The following DYNLL1 variants were observed in gnomAD, a reference collection of about 807,000 sequenced individuals.
DYNLL1 encodes dynein light chain LC8-type 1.
DYNLL1 carries 3 observed loss-of-function variants against 10.1 expected under a neutral mutation model. The ratio of observed to expected loss-of-function variants is 0.30; its 90% confidence interval spans 0.14 to 0.77. The LOEUF (loss-of-function observed/expected upper bound fraction) is 0.77. Ranked by LOEUF, DYNLL1 falls within the 30% of genes least tolerant of loss-of-function variation. DYNLL1 has a pLI of 0.66. For missense variants in DYNLL1, 47 were observed against 111.7 expected (o/e 0.42, Z 2.61); for synonymous variants, 46 against 41.2 (o/e 1.12, Z -0.45).
At chr12:120,495,893 C>G (rs1868368410), upstream of DYNLL1, 1 of 167,170 alleles carries the variant, frequency 6.0e-6, no homozygotes. Flanking sequence ...GGCCTCGTAG[C>G]GTGCGGCCCA....
intron 1 of DYNLL1, among the ~76,000 whole-genome samples, chr12:120,479,603 G>A (rs1376139207): frequency 6.6e-6 from 1 of 152,126 alleles, no homozygotes; most frequent in Non-Finnish European, 1.5e-5. Context: ...AAGACTTCCT[G>A]GAGGGAGTGG....
At chr12:120,490,217 A>G (rs535419236) in intron 1 of DYNLL1, 2 of 152,342 alleles carry the variant, frequency 1.3e-5, no homozygotes, top group East Asian at 3.9e-4. Flanking sequence ...TCGCTCAGAA[A>G]TCTCCCCAGA....
chr12:120,479,595 G>A (rs987283418), intron 1 of DYNLL1, among the ~76,000 whole-genome samples: 4 of 152,050 alleles, frequency 2.6e-5, no homozygotes, highest in Non-Finnish European at 5.9e-5. Flanking sequence ...GTTCAGGGAA[G>A]ACTTCCTGGA....
At chr12:120,494,316 G>C (rs1272015907), upstream of DYNLL1, among the ~76,000 whole-genome samples, 2 of 146,320 alleles carry the variant, frequency 1.4e-5, no homozygotes, top group African/African-American at 5.1e-5. Context: ...AGACGGAGTT[G>C]CCCAGGCTGG....
At chr12:120,488,488 G>A (rs969997227) in intron 1 of DYNLL1, 3 of 152,150 alleles carry the variant, frequency 2.0e-5, no homozygotes, top group African/African-American at 7.2e-5. Context: ...TGTGCATCCT[G>A]TTCAATGTCT....
upstream of DYNLL1, among the ~76,000 whole-genome samples, chr12:120,494,372 G>C (rs1165680448): frequency 6.6e-6 from 1 of 151,698 alleles, no homozygotes; most frequent in Non-Finnish European, 1.5e-5. Flanking sequence ...TGTGTCCCGG[G>C]TTCAAGTGAT....
At chr12:120,496,646 G>T (rs1429477827) in intron 2 of DYNLL1, 93 bp downstream of exon 2, 1 of 1,607,558 alleles carries the variant, frequency 6.2e-7, no homozygotes, top group Non-Finnish European at 8.5e-7. Flanking sequence ...CAGGTCCCGG[G>T]AATACTGCTG....
rs1243991995 is a variant in DYNLL1, at chr12:120,496,785, A to G, written c.132+232A>G. ...TAATTACCCAGCTCCGCGGGGGGAA[A>G]GCGCCACCTAGCAACGGTATCTAAG... On this transcript the variant is annotated intron_variant, in intron 2 of 2. Transcript: ENST00000242577. 6.4e-6 allele frequency: 4 copies of G among 624,158 alleles called. No homozygotes were observed. The East Asian group carries it at 8.3e-5, about 13-fold the overall frequency. 38.7% of individuals were successfully genotyped at this position (624,158 alleles called of 1,614,324 possible). A position where few individuals can be genotyped will look rare whatever the true frequency, so the allele number is the denominator to read the frequency against.
At chr12:120,479,466 AAAAAT>A (rs1878835083) in intron 1 of DYNLL1, among the ~76,000 whole-genome samples, 1 of 125,026 alleles carries the variant, frequency 8.0e-6, no homozygotes, top group African/African-American at 2.8e-5. Context: ...AAAAAAAAAA[AAAAAT>A]AATAATAATA....
chr12:120,496,292 C>T, intron 1 of DYNLL1, 76 bp downstream of exon 1: 1 of 1,409,430 alleles, frequency 7.1e-7, no homozygotes, highest in Non-Finnish European at 9.6e-7. Context: ...CTCCGCGTAG[C>T]CCGCGCTTCC....
chr12:120,489,809 G>A (rs796199765), intron 1 of DYNLL1, among the ~76,000 whole-genome samples: 6 of 152,128 alleles, frequency 3.9e-5, no homozygotes, highest in Admixed American at 2.6e-4. Context: ...GTGCAGTGGC[G>A]CGATCTCAGC....
chr12:120,470,090 C>T, exon 1 of DYNLL1: 1 of 153,110 alleles, frequency 6.5e-6, no homozygotes, highest in Non-Finnish European at 1.5e-5. Flanking sequence ...CGGGCTGTCG[C>T]GGCCCCCACC....
At chr12:120,474,939 T>C (rs1009769145) in intron 1 of DYNLL1, among the ~76,000 whole-genome samples, 1 of 152,026 alleles carries the variant, frequency 6.6e-6, no homozygotes, top group African/African-American at 2.4e-5. Flanking sequence ...AAACATATTC[T>C]GGAAAGCTAC....
Position 120,498,284 on chromosome 12 carries a change from G to A in DYNLL1, c.*74G>A. The A allele has an allele frequency of 1.3e-6, 2 of 1,536,936 alleles. No individual in the cohort carries two copies. The highest frequency in any genetic ancestry group is 1.7e-6 in the Non-Finnish European group (2 of 1,149,148). ...TGCAGCCTAAATTCCAAATACCAGA[G>A]ACTGAAATTTTCAGCCTTGCTAAGG... is the stretch of plus-strand genomic sequence containing the variant. On this transcript the variant is annotated 3_prime_UTR_variant, in exon 3 of 3. Transcript: ENST00000242577.
chr12:120,483,881 AGT>A lies in DYNLL1; in HGVS notation c.-6-12529_-6-12528del, dbSNP rs534416817. Among the ~76,000 whole-genome samples, 23 of 152,050 alleles carry A rather than the reference AGT, an allele frequency of 1.5e-4. 1 individual carries two copies. In the East Asian group the frequency reaches 2.9e-3, roughly 19 times the overall value. On this transcript the variant is annotated intron_variant, in intron 1 of 2. Transcript: ENST00000392509. ...AGTGAGATGGGAGGACAGCTAAGAG[AGT>A]GTGTGGTCCTGGAAGCCAAGGGAGG...
At chr12:120,486,165 T>C (rs1878989994) in intron 1 of DYNLL1, among the ~76,000 whole-genome samples, 2 of 152,230 alleles carry the variant, frequency 1.3e-5, no homozygotes, top group African/African-American at 4.8e-5. Flanking sequence ...TTTTACTTTA[T>C]AGCTTTGTAG....
chr12:120,482,458 G>C (rs1023779956), intron 1 of DYNLL1, among the ~76,000 whole-genome samples: 2 of 152,086 alleles, frequency 1.3e-5, no homozygotes, highest in Non-Finnish European at 2.9e-5. Context: ...AGGTAGCTGG[G>C]ACTACAGGCG....
upstream of DYNLL1, among the ~76,000 whole-genome samples, chr12:120,494,554 G>A (rs928837627): frequency 6.6e-6 from 1 of 152,066 alleles, no homozygotes; most frequent in African/African-American, 2.4e-5. Flanking sequence ...GGGATTATAG[G>A]CATGAGCCAC....
chr12:120,498,209 A>G lies in DYNLL1; in HGVS notation c.269A>G (p.Ter90=). The stretch of plus-strand genomic sequence containing the variant: ...GCCATTCTTCTGTTCAAATCTGGTT[A>G]AAAGCATGGACTGTGCCACACACCC... ...QVAILLFKSG[*] is the part of the protein sequence containing the mutation. Residue 90 remains the stop codon, a stop_retained_variant, in exon 3 of 3, where the codon TAA becomes TGA. Coordinates refer to ENST00000242577, the MANE Select transcript of DYNLL1 (RefSeq NM_003746.3). The G allele has an allele frequency of 1.2e-6, 2 of 1,611,926 alleles. No homozygotes were observed. The highest frequency in any genetic ancestry group is 2.2e-5 in the East Asian group (1 of 44,882).
Sources: gnomAD v4.1 joint callset for allele counts (sites outside exome capture counted in the v4.1 genomes callset) on GRCh38, gnomAD v4.1.1 for gene constraint, MANE v1.5 for transcripts, NCBI Gene and HGNC (gene_info 2026-07-23, HGNC 2026-07-21) for gene names.